Variants in PSMD1 observed in about 807,000 individuals in gnomAD.
The protein encoded by PSMD1 is 26S proteasome non-ATPase regulatory subunit 1.
A neutral mutation model predicts 119.0 loss-of-function variants in PSMD1; 18 were observed. The observed-to-expected ratio is 0.15, with a 90% confidence interval of 0.10 to 0.22. The LOEUF (loss-of-function observed/expected upper bound fraction) is 0.22, where lower values mean the gene tolerates loss of function less well. Ranked by LOEUF, PSMD1 falls within the 10% of genes least tolerant of loss-of-function variation. The pLI, the probability that PSMD1 is intolerant of heterozygous loss-of-function variation, is 1.00. For missense variants in PSMD1, 702 were observed against 1,158.5 expected (o/e 0.61, Z 5.72); for synonymous variants, 374 against 396.6 (o/e 0.94, Z 0.68).
chr2:231,086,529 C>T (rs146789265), intron 15 of PSMD1, among the ~76,000 whole-genome samples: 3,130 of 152,234 alleles, frequency 0.021, 48 homozygotes, highest in Non-Finnish European at 0.036. Context: ...TGGTGGCACA[C>T]GCCTGTAGTC....
At chr2:231,084,974 C>A (rs1412793688) in intron 14 of PSMD1, 45 bp from the exon 15 acceptor site, 2 of 1,496,358 alleles carry the variant, frequency 1.3e-6, no homozygotes, top group Admixed American at 3.4e-5. Context: ...TAGAAGTTAA[C>A]TGTTTGAAAT....
chr2:231,127,428 C>T (rs777026445), intron 16 of PSMD1, among the ~76,000 whole-genome samples: 1 of 152,158 alleles, frequency 6.6e-6, no homozygotes, highest in Non-Finnish European at 1.5e-5. Context: ...AATCTCAGCT[C>T]ACTGCAACCT....
Position 231,125,321 on chromosome 2 carries a change from T to C in PSMD1, c.1884-13415T>C, listed in dbSNP as rs559559379. On this transcript the variant is annotated intron_variant, in intron 16 of 24. Coordinates refer to ENST00000308696, the MANE Select transcript of PSMD1 (RefSeq NM_002807.4). ...TCATTTTAGCTTCAGATAGTTTTGT[T>C]TGGGGTTAAGCCTGAGCTGTTTTTC... 7.2e-5 allele frequency among the ~76,000 whole-genome samples: 11 copies of C among 152,344 alleles called. No homozygotes were observed. In the East Asian group the frequency reaches 2.1e-3, roughly 29 times the overall value.
chr2:231,107,648 A>G (rs1695008258), intron 16 of PSMD1, among the ~76,000 whole-genome samples: 1 of 152,228 alleles, frequency 6.6e-6, no homozygotes, highest in African/African-American at 2.4e-5. Context: ...CTAACAGTGC[A>G]AAATAATATA....
intron 1 of PSMD1, among the ~76,000 whole-genome samples, chr2:231,058,702 C>T (rs907730231): frequency 2.0e-5 from 3 of 152,084 alleles, no homozygotes; most frequent in South Asian, 2.1e-4. Context: ...TCTTGTAGTA[C>T]TGTCTTCACT....
intron 17 of PSMD1, among the ~76,000 whole-genome samples, chr2:231,143,428 C>G (rs1696177335): frequency 1.3e-5 from 2 of 152,312 alleles, no homozygotes; most frequent in East Asian, 3.9e-4. Flanking sequence ...CGGGGTTTCA[C>G]CATGTTGGTC....
intron 16 of PSMD1, among the ~76,000 whole-genome samples, chr2:231,105,375 A>T (rs1021112329): frequency 6.6e-6 from 1 of 152,196 alleles, no homozygotes; most frequent in Admixed American, 6.5e-5. Flanking sequence ...ATAACAACTT[A>T]TGCAGTACTG....
intron 16 of PSMD1, among the ~76,000 whole-genome samples, chr2:231,114,840 C>T (rs1013980512): frequency 1.3e-5 from 2 of 152,086 alleles, no homozygotes; most frequent in Admixed American, 6.5e-5. Context: ...ATATATTACA[C>T]CCACCACTTA....
chr2:231,097,356 T>C (rs1694751556), intron 16 of PSMD1, among the ~76,000 whole-genome samples: 1 of 152,220 alleles, frequency 6.6e-6, no homozygotes, highest in African/African-American at 2.4e-5. Context: ...TACCCTTGAG[T>C]TGCTGGCTAA....
intron 16 of PSMD1, chr2:231,113,792 T>G (rs1343624767): frequency 6.2e-7 from 1 of 1,614,174 alleles, no homozygotes; most frequent in Admixed American, 1.7e-5. Context: ...TTATATTGAT[T>G]GGCCTGGATT....
chr2:231,079,827 CTG>C (rs1165931086), intron 11 of PSMD1, among the ~76,000 whole-genome samples: 1 of 151,996 alleles, frequency 6.6e-6, no homozygotes, highest in Non-Finnish European at 1.5e-5. Context: ...TCTATAAAGA[CTG>C]TGTAAGCCAT....
chr2:231,122,783 T>A (rs1216849722), intron 16 of PSMD1, among the ~76,000 whole-genome samples: 1 of 152,144 alleles, frequency 6.6e-6, no homozygotes, highest in Non-Finnish European at 1.5e-5. Flanking sequence ...CAGATGCCCA[T>A]ATATCATAAA....
rs184784777 is a variant in PSMD1, at chr2:231,163,874, T to A, written c.2481+147T>A. 2.8e-5 allele frequency: 18 copies of A among 646,900 alleles called. No individual in the cohort carries two copies. In the African/African-American group the frequency reaches 3.1e-4, roughly 11 times the overall value. The allele number at this position is 646,900 out of a possible 1,614,324, so 40.1% of individuals were successfully genotyped here. A position where few individuals can be genotyped will look rare whatever the true frequency, so the allele number is the denominator to read the frequency against. On this transcript the variant is annotated intron_variant, in intron 21 of 24. Coordinates refer to ENST00000308696, the MANE Select transcript of PSMD1 (RefSeq NM_002807.4). ...ATTACACAAGAATATGAAGTGAAAG[T>A]CCTTTTTGTCTCTTGGTCATCCAAG...
intron 7 of PSMD1, among the ~76,000 whole-genome samples, chr2:231,074,167 C>T (rs1343072639): frequency 3.9e-5 from 6 of 152,132 alleles, no homozygotes; most frequent in Admixed American, 6.6e-5. Context: ...TACAGTGGCA[C>T]GATCTCAGCT....
In PSMD1 at chr2:231,085,003, A is replaced by T; in HGVS notation, c.1723-16A>T. 1 of 1,590,862 alleles carries T rather than the reference A, an allele frequency of 6.3e-7. No homozygotes were observed. The highest frequency in any genetic ancestry group is 8.6e-7 in the Non-Finnish European group (1 of 1,159,042). On this transcript the variant is annotated splice_polypyrimidine_tract_variant and intron_variant, in intron 14 of 24. Coordinates refer to ENST00000308696, the MANE Select transcript of PSMD1 (RefSeq NM_002807.4). ...TTGAAATAAGTTGATGATTAATGTTAAATTATTTTTCTTAGGACCCAATTC... is the reference window on the plus strand; with the variant it reads ...TTGAAATAAGTTGATGATTAATGTTTAATTATTTTTCTTAGGACCCAATTC...
At position 231,122,173 on chromosome 2, in the gene PSMD1, G is replaced by A. The variant is rs1574751128; in HGVS notation, c.1884-16563G>A. The stretch of plus-strand genomic sequence containing the variant: ...TTAATTATTAGAAAGTCTAATTAAA[G>A]CAGTAGAACTTTACTCATTACTGCT... On this transcript the variant is annotated intron_variant, in intron 16 of 24. Transcript: ENST00000308696. 5.3e-5 allele frequency among the ~76,000 whole-genome samples: 8 copies of A among 152,198 alleles called. 3 individuals are homozygous for A. The highest frequency in any genetic ancestry group is 5.2e-4 in the Admixed American group (8 of 15,298).
chr2:231,170,450 T>C lies in PSMD1; in HGVS notation c.2716-116T>C. ...ATCCCAGTAAAGTTCTACTCCAGTTTTTCACTTCCAAATCATTTAAGTAGT... is the reference window on the plus strand; with the variant it reads ...ATCCCAGTAAAGTTCTACTCCAGTTCTTCACTTCCAAATCATTTAAGTAGT... On this transcript the variant is annotated intron_variant, in intron 23 of 24. Coordinates refer to ENST00000308696, the MANE Select transcript of PSMD1 (RefSeq NM_002807.4). The surrounding 1 kb of genome is among the most constrained non-coding windows in gnomAD (Gnocchi z 4.1). The C allele has an allele frequency of 8.6e-7, 1 of 1,160,470 alleles. No homozygotes were observed. Among genetic ancestry groups the C allele is most frequent in the East Asian group, 2.6e-5 (1 of 38,890 alleles). 71.9% of individuals were successfully genotyped at this position (1,160,470 alleles called of 1,614,324 possible).
chr2:231,163,433 A>G, intron 20 of PSMD1: 1 of 482,860 alleles, frequency 2.1e-6, no homozygotes, highest in South Asian at 4.1e-5. Context: ...CACAGAGATT[A>G]AGAAAAGTAT....
At chr2:231,129,461 C>T (rs1415039329) in intron 16 of PSMD1, among the ~76,000 whole-genome samples, 1 of 152,164 alleles carries the variant, frequency 6.6e-6, no homozygotes, top group African/African-American at 2.4e-5. Context: ...CTCCCTCGCC[C>T]ATTTTAGCAG....
Sources: allele counts gnomAD v4.1 joint callset (sites outside exome capture counted in the v4.1 genomes callset), GRCh38; gene constraint gnomAD v4.1.1; non-coding constraint Gnocchi (gnomAD v3.1); transcripts MANE v1.5; gene names NCBI Gene and HGNC (gene_info 2026-07-23, HGNC 2026-07-21).